The following ARHGAP15 variants were observed in gnomAD, a reference collection of about 807,000 sequenced individuals.
ARHGAP15 encodes the protein Rho GTPase activating protein 15.
In ARHGAP15, 51 loss-of-function variants were observed where a neutral mutation model predicts 63.7. The observed-to-expected ratio is 0.80, with a 90% CI of 0.64 to 1.01. ARHGAP15 has a LOEUF of 1.01. Among genes scored for constraint, ARHGAP15 ranks in the 50% least tolerant of loss-of-function variants. The pLI is 0.00. For missense variants in ARHGAP15, 560 were observed against 564.6 expected, an observed-to-expected ratio of 0.99 and a Z score of 0.08; for synonymous variants, 191 against 193.8, an observed-to-expected ratio of 0.99 and a Z score of 0.12.
At chr2:143,158,161 GA>G (rs1690155497) in intron 2 of ARHGAP15, among the ~76,000 whole-genome samples, 1 of 151,754 alleles carries the variant, frequency 6.6e-6, no homozygotes, top group Non-Finnish European at 1.5e-5. Flanking sequence ...TTACAAAAAT[GA>G]TAAAATATTC....
intron 6 of ARHGAP15, among the ~76,000 whole-genome samples, chr2:143,291,241 A>G (rs182115534): frequency 1.4e-4 from 21 of 152,284 alleles, no homozygotes; most frequent in East Asian, 9.7e-4. Context: ...TGTACTAAAG[A>G]CAGTTTGAAT....
intron 5 of ARHGAP15, among the ~76,000 whole-genome samples, chr2:143,233,617 A>G (rs1339473800): frequency 6.7e-6 from 1 of 150,334 alleles, no homozygotes; most frequent in Non-Finnish European, 1.5e-5. Context: ...GCTGTCATTA[A>G]TATATTTCAA....
intron 6 of ARHGAP15, among the ~76,000 whole-genome samples, chr2:143,428,226 A>G (rs1158571331): frequency 1.3e-5 from 2 of 152,102 alleles, no homozygotes; most frequent in Non-Finnish European, 2.9e-5. Context: ...GGGTCTAGGC[A>G]GCAGGAACAA....
intron 8 of ARHGAP15, among the ~76,000 whole-genome samples, chr2:143,465,363 C>G (rs1183646545): frequency 6.6e-6 from 1 of 152,134 alleles, no homozygotes; most frequent in Non-Finnish European, 1.5e-5. Flanking sequence ...ACTAAGGCCA[C>G]TAAATCATAG....
At chr2:143,532,478 G>GT (rs913717307) in intron 10 of ARHGAP15, among the ~76,000 whole-genome samples, 4 of 152,132 alleles carry the variant, frequency 2.6e-5, no homozygotes, top group Admixed American at 6.6e-5. Context: ...CTTTTCACAA[G>GT]TTTTTTTATG....
intron 9 of ARHGAP15, among the ~76,000 whole-genome samples, chr2:143,494,203 A>G (rs1237233694): frequency 6.6e-6 from 1 of 151,986 alleles, no homozygotes. Context: ...GGTCTTTTTT[A>G]TGTGATCATT....
chr2:143,435,582 CTTTT>C lies in ARHGAP15; in HGVS notation c.475-8_475-5del. 9.6e-6 allele frequency: 13 copies of C among 1,355,988 alleles called. No individual in the cohort carries two copies. Among genetic ancestry groups the C allele is most frequent in the South Asian group, 3.2e-5 (2 of 61,548 alleles). 84.0% of individuals were successfully genotyped at this position (1,355,988 alleles called of 1,614,324 possible). A position where few individuals can be genotyped will look rare whatever the true frequency, so the allele number is the denominator to read the frequency against. The stretch of plus-strand genomic sequence containing the variant: ...TTTCTTTACCTGTCTATTTCTTTTT[CTTTT>C]TTTTTTTTTTGCAGATCACAACAGT... On this transcript the variant is annotated splice_polypyrimidine_tract_variant and intron_variant, in intron 6 of 13. Coordinates refer to ENST00000295095, the MANE Select transcript of ARHGAP15 (RefSeq NM_018460.4).
intron 12 of ARHGAP15, among the ~76,000 whole-genome samples, chr2:143,656,949 G>GTGTGTA (rs968258570): frequency 5.9e-5 from 9 of 151,286 alleles, no homozygotes; most frequent in African/African-American, 2.2e-4. Context: ...GTGTGTGTGT[G>GTGTGTA]TGTGTGTGTG....
intron 13 of ARHGAP15, among the ~76,000 whole-genome samples, chr2:143,761,700 T>G (rs1425618452): frequency 6.6e-6 from 1 of 152,200 alleles, no homozygotes; most frequent in Non-Finnish European, 1.5e-5. Flanking sequence ...GGGAAAAACT[T>G]ACCCAGCATA....
chr2:143,161,715 T>A (rs1013072987), intron 2 of ARHGAP15, among the ~76,000 whole-genome samples: 1 of 151,608 alleles, frequency 6.6e-6, no homozygotes, highest in African/African-American at 2.4e-5. Context: ...AATACAAAGG[T>A]AGAGAGGAAA....
chr2:143,725,792 A>T (rs1481815756), intron 13 of ARHGAP15, among the ~76,000 whole-genome samples: 3 of 152,250 alleles, frequency 2.0e-5, no homozygotes, highest in Non-Finnish European at 4.4e-5. Context: ...TTATGCAGGT[A>T]ACTCATTAAT....
chr2:143,540,138 C>T (rs1694977228), intron 10 of ARHGAP15, among the ~76,000 whole-genome samples: 1 of 152,106 alleles, frequency 6.6e-6, no homozygotes, highest in Non-Finnish European at 1.5e-5. Flanking sequence ...TATGTAATGG[C>T]CTTCTTTGTC....
chr2:143,344,499 TA>T (rs1311887552), intron 6 of ARHGAP15, among the ~76,000 whole-genome samples: 4 of 152,216 alleles, frequency 2.6e-5, no homozygotes, highest in Admixed American at 2.0e-4. Flanking sequence ...TTCAATTAAA[TA>T]AAACCTCTCT....
intron 12 of ARHGAP15, among the ~76,000 whole-genome samples, chr2:143,650,380 G>A (rs945123193): frequency 5.3e-5 from 8 of 151,796 alleles, no homozygotes; most frequent in South Asian, 2.1e-4. Flanking sequence ...TCACGTGTCC[G>A]CTCAGATCTG....
At chr2:143,294,499 A>G (rs1682548835) in intron 6 of ARHGAP15, among the ~76,000 whole-genome samples, 1 of 152,034 alleles carries the variant, frequency 6.6e-6, no homozygotes, top group Non-Finnish European at 1.5e-5. Flanking sequence ...CAGCCATTAA[A>G]CCAGGAACCC....
At chr2:143,643,575 C>G (rs1185763010) in intron 12 of ARHGAP15, among the ~76,000 whole-genome samples, 1 of 151,872 alleles carries the variant, frequency 6.6e-6, no homozygotes, top group East Asian at 1.9e-4. Flanking sequence ...AATATAGAGT[C>G]TAGGAATCTC....
chr2:143,377,604 A>G, intron 6 of ARHGAP15, among the ~76,000 whole-genome samples: 1 of 152,058 alleles, frequency 6.6e-6, no homozygotes, highest in Non-Finnish European at 1.5e-5. Context: ...AAGTCACTAA[A>G]TACTTTTCGA....
intron 12 of ARHGAP15, among the ~76,000 whole-genome samples, chr2:143,633,841 C>T (rs952311809): frequency 1.3e-5 from 2 of 152,068 alleles, no homozygotes; most frequent in African/African-American, 4.8e-5. Context: ...AGGCTTCTGC[C>T]TAATTTCTTA....
chr2:143,289,819 CAA>C (rs1186197826), intron 6 of ARHGAP15, among the ~76,000 whole-genome samples: 1 of 151,526 alleles, frequency 6.6e-6, no homozygotes, highest in African/African-American at 2.4e-5. Flanking sequence ...GAAAAATAAC[CAA>C]AAAAAGAGGA....
Sources: gnomAD v4.1 joint callset for allele counts (sites outside exome capture counted in the v4.1 genomes callset) on GRCh38, gnomAD v4.1.1 for gene constraint, MANE v1.5 for transcripts, NCBI Gene and HGNC (gene_info 2026-07-23, HGNC 2026-07-21) for gene names.